TIAM1: variants seen among roughly 807,000 people sequenced by gnomAD.
TIAM1 encodes rho guanine nucleotide exchange factor TIAM1.
TIAM1 carries 65 observed loss-of-function variants against 163.5 expected under a neutral mutation model. That is an observed-to-expected ratio of 0.40 (90% confidence interval 0.33 to 0.49). The LOEUF (loss-of-function observed/expected upper bound fraction) is 0.49, where lower values mean the gene tolerates loss of function less well. Ranked by LOEUF, TIAM1 falls within the 20% of genes least tolerant of loss-of-function variation. The pLI is 0.77. For synonymous variants in TIAM1, 833 were observed against 810.1 expected (o/e 1.03, Z -0.48); for missense variants, 1,789 against 2,044.7 (o/e 0.87, Z 2.41).
chr21:31,171,035 C>CAA (rs34291568), intron 15 of TIAM1, among the ~76,000 whole-genome samples: 1,569 of 19,490 alleles, frequency 0.081, 243 homozygotes, highest in African/African-American at 0.15. Flanking sequence ...GACTCCATCT[C>CAA]AAAAAAAAAA....
rs572307113 is a variant in TIAM1 at position 31,490,564 on chromosome 21, C to A, written c.-421-26529G>T. On this transcript the variant is annotated intron_variant, in intron 1 of 28. Coordinates refer to the TIAM1 transcript ENST00000286827. ...GGCCAGGACAGACTCAGGGAACCGC[C>A]GCTGCCCAGCCCCAGCCTGAAATAA... Among the ~76,000 whole-genome samples the A allele has an allele frequency of 2.4e-4, 36 of 152,274 alleles. No individual in the cohort carries two copies. The South Asian group carries it at 6.8e-3, about 29-fold the overall frequency.
chr21:31,349,685 A>G (rs1042191207), intron 2 of TIAM1, among the ~76,000 whole-genome samples: 1 of 152,210 alleles, frequency 6.6e-6, no homozygotes, highest in Non-Finnish European at 1.5e-5. Context: ...TATAATCCCC[A>G]GTATAGCCTC....
At chr21:31,222,684 T>G (rs1361460932) in intron 8 of TIAM1, among the ~76,000 whole-genome samples, 23 of 34,922 alleles carry the variant, frequency 6.6e-4, no homozygotes, top group Non-Finnish European at 1.1e-3. Context: ...TACATATATA[T>G]ATATATATAT....
intron 1 of TIAM1, among the ~76,000 whole-genome samples, chr21:31,340,698 A>C (rs956918997): frequency 6.6e-6 from 1 of 152,112 alleles, no homozygotes; most frequent in South Asian, 2.1e-4. Context: ...TAAATTTAAC[A>C]CACTTTGCCT....
At chr21:31,426,707 G>A (rs1349606064) in intron 2 of TIAM1, among the ~76,000 whole-genome samples, 1 of 151,968 alleles carries the variant, frequency 6.6e-6, no homozygotes, top group Non-Finnish European at 1.5e-5. Flanking sequence ...TTCAACTTTG[G>A]TTTTCATGAA....
intron 2 of TIAM1, among the ~76,000 whole-genome samples, chr21:31,440,013 C>A (rs930718304): frequency 6.6e-6 from 1 of 152,174 alleles, no homozygotes; most frequent in African/African-American, 2.4e-5. Flanking sequence ...AGTTACCTAA[C>A]CTCTCTGTGT....
intron 2 of TIAM1, among the ~76,000 whole-genome samples, chr21:31,338,069 G>A (rs971372888): frequency 2.6e-5 from 4 of 152,100 alleles, no homozygotes; most frequent in Admixed American, 6.6e-5. Flanking sequence ...CAACCCGGAG[G>A]TTTTATCTGC....
intron 25 of TIAM1, among the ~76,000 whole-genome samples, chr21:31,128,190 C>T (rs1036367290): frequency 2.0e-5 from 3 of 152,168 alleles, no homozygotes; most frequent in African/African-American, 7.2e-5. Context: ...TTAACCCTAA[C>T]CAGAATCTAT....
chr21:31,302,597 T>C (rs188106109), intron 2 of TIAM1, among the ~76,000 whole-genome samples: 1 of 152,308 alleles, frequency 6.6e-6, no homozygotes, highest in East Asian at 1.9e-4. Context: ...GTTTTCACAC[T>C]AACTCCAAAC....
At chr21:31,290,845 G>A (rs185258670) in intron 2 of TIAM1, among the ~76,000 whole-genome samples, 28 of 152,056 alleles carry the variant, frequency 1.8e-4, no homozygotes, top group African/African-American at 4.1e-4. Flanking sequence ...TATCATGTGC[G>A]AGGGCCAAAA....
At chr21:31,415,809 AT>A (rs1456938777) in intron 2 of TIAM1, among the ~76,000 whole-genome samples, 1 of 152,044 alleles carries the variant, frequency 6.6e-6, no homozygotes, top group Non-Finnish European at 1.5e-5. Flanking sequence ...CCTCTCATTC[AT>A]TTTTGGCCAT....
At chr21:31,280,274 G>C (rs2073491038) in intron 2 of TIAM1, among the ~76,000 whole-genome samples, 1 of 152,164 alleles carries the variant, frequency 6.6e-6, no homozygotes, top group African/African-American at 2.4e-5. Flanking sequence ...CATGGAGGTG[G>C]GTCTTTCTTG....
chr21:31,441,138 G>A (rs1247956705), intron 2 of TIAM1, among the ~76,000 whole-genome samples: 1 of 152,142 alleles, frequency 6.6e-6, no homozygotes, highest in Non-Finnish European at 1.5e-5. Context: ...AATCCTTTGT[G>A]ATTTTGCTGG....
intron 1 of TIAM1, among the ~76,000 whole-genome samples, chr21:31,529,831 G>A (rs778690116): frequency 1.9e-4 from 29 of 152,096 alleles, no homozygotes; most frequent in Admixed American, 1.0e-3. Context: ...GGGAAGGTCC[G>A]CAGAGACAAT....
chr21:31,463,719 G>A (rs1043787114), intron 2 of TIAM1, among the ~76,000 whole-genome samples: 3 of 151,522 alleles, frequency 2.0e-5, no homozygotes, highest in Non-Finnish European at 4.4e-5. Context: ...TCAGGAGGCC[G>A]AGGCAGGGGA....
intron 2 of TIAM1, among the ~76,000 whole-genome samples, chr21:31,449,985 G>A (rs1351609399): frequency 6.6e-6 from 1 of 152,138 alleles, no homozygotes; most frequent in Admixed American, 6.6e-5. Flanking sequence ...CAGCCAGGCC[G>A]ATAATCAGGC....
intron 2 of TIAM1, among the ~76,000 whole-genome samples, chr21:31,317,701 A>G (rs2075174294): frequency 6.6e-6 from 1 of 152,088 alleles, no homozygotes; most frequent in South Asian, 2.1e-4. Flanking sequence ...AATCCCTAGA[A>G]CCCAGGAGGC....
At chr21:31,458,904 G>A (rs1036253602) in intron 2 of TIAM1, among the ~76,000 whole-genome samples, 2 of 152,154 alleles carry the variant, frequency 1.3e-5, no homozygotes, top group African/African-American at 2.4e-5. Flanking sequence ...GGCATGCAGT[G>A]GGAAGGCCTG....
chr21:31,495,762 G>A (rs1221506452), intron 1 of TIAM1, among the ~76,000 whole-genome samples: 1 of 152,164 alleles, frequency 6.6e-6, no homozygotes, highest in African/African-American at 2.4e-5. Flanking sequence ...ATCACCTGAG[G>A]TCAGGAGTTC....
Sources: allele counts gnomAD v4.1 joint callset (sites outside exome capture counted in the v4.1 genomes callset), GRCh38; gene constraint gnomAD v4.1.1; transcripts MANE v1.5; gene names NCBI Gene and HGNC (gene_info 2026-07-23, HGNC 2026-07-21).